Variants in RCOR3 observed in about 807,000 individuals in gnomAD.
The protein encoded by RCOR3 is REST corepressor 3.
A neutral mutation model predicts 64.1 loss-of-function variants in RCOR3; 13 were observed. The observed-to-expected ratio is 0.20, with a 90% CI of 0.13 to 0.32. RCOR3 has a LOEUF of 0.32. Ranked by LOEUF, RCOR3 falls within the 10% of genes least tolerant of loss-of-function variation. The pLI is 1.00. For missense variants in RCOR3, 489 were observed against 701.2 expected (o/e 0.70, Z 3.42); for synonymous variants, 215 against 239.0 (o/e 0.90, Z 0.93).
At chr1:211,293,542 T>A (rs543566994) in intron 8 of RCOR3, among the ~76,000 whole-genome samples, 1 of 152,322 alleles carries the variant, frequency 6.6e-6, no homozygotes, top group Admixed American at 6.5e-5. Flanking sequence ...TGGAACACTT[T>A]CCCTAATCTT....
intron 7 of RCOR3, among the ~76,000 whole-genome samples, chr1:211,280,349 A>G (rs985954689): frequency 5.3e-5 from 8 of 152,196 alleles, no homozygotes; most frequent in Admixed American, 3.3e-4. Flanking sequence ...TACTTAGAAC[A>G]TATTACAGTT....
At chr1:211,265,078 G>A (rs577960185) in intron 2 of RCOR3, among the ~76,000 whole-genome samples, 2 of 152,302 alleles carry the variant, frequency 1.3e-5, no homozygotes, top group East Asian at 1.9e-4. Context: ...TGTGTGTAAA[G>A]TAGTGGTTTT....
chr1:211,260,628 G>A (rs1332468757), intron 2 of RCOR3, among the ~76,000 whole-genome samples: 1 of 152,266 alleles, frequency 6.6e-6, no homozygotes, highest in East Asian at 1.9e-4. Context: ...GGAAGCCAAG[G>A]GCGAGCCCTG....
At chr1:211,290,950 C>T (rs182586920) in intron 8 of RCOR3, among the ~76,000 whole-genome samples, 109 of 150,738 alleles carry the variant, frequency 7.2e-4, no homozygotes, top group African/African-American at 2.6e-3. Flanking sequence ...ATATCTTTTG[C>T]ATTTTCTTGT....
chr1:211,267,159 CTCTG>C (rs939860162), intron 2 of RCOR3, among the ~76,000 whole-genome samples: 24 of 152,290 alleles, frequency 1.6e-4, no homozygotes, highest in Admixed American at 1.1e-3. Flanking sequence ...TTTTGAGCAA[CTCTG>C]TCAGGTAGGT....
rs756643084 is a variant in RCOR3 at position 211,268,369 on chromosome 1, CTTTTTTTTTTTTT to C, written c.224-2848_224-2836del. ...AGATATATCAAAGTTTCTTTTCTTT[CTTTTTTTTTTTTT>C]TTTTTTTTTTTTTTGAGATGGAGTT... On this transcript the variant is annotated intron_variant, in intron 2 of 11. Transcript: ENST00000419091. Among the ~76,000 whole-genome samples, 5 of 79,356 alleles carry C rather than the reference CTTTTTTTTTTTTT, an allele frequency of 6.3e-5. No homozygotes were observed. In the Admixed American group the frequency reaches 6.5e-4, roughly 10 times the overall value. 52.1% of individuals were successfully genotyped at this position (79,356 alleles called of 152,430 possible).
chr1:211,279,169 AAGAGTG>A, intron 6 of RCOR3, 63 bp from the exon 7 acceptor site: 1 of 1,059,950 alleles, frequency 9.4e-7, no homozygotes, highest in Non-Finnish European at 1.4e-6. Context: ...CCTGGGCAAT[AAGAGTG>A]AAACGCTGTC....
intron 8 of RCOR3, among the ~76,000 whole-genome samples, chr1:211,295,005 AT>A (rs1392145938): frequency 6.6e-6 from 1 of 151,380 alleles, no homozygotes; most frequent in Non-Finnish European, 1.5e-5. Flanking sequence ...AGCCTCCTGA[AT>A]AACTAGGACT....
At chr1:211,259,804 G>A in intron 1 of RCOR3, 78 bp downstream of exon 1, 1 of 932,488 alleles carries the variant, frequency 1.1e-6, no homozygotes, top group Non-Finnish European at 1.3e-6. Context: ...TCCCCTCGCC[G>A]CTCTCCCGCC....
In RCOR3 at chr1:211,280,706, G is replaced by C. The variant is rs147531852; in HGVS notation, c.720+1390G>C. On this transcript the variant is annotated intron_variant, in intron 7 of 11. Transcript: ENST00000419091. The stretch of plus-strand genomic sequence containing the variant: ...TCCATTTAAAAGCGTTTCTCTGGCC[G>C]GGCTCAGTGGCTCACGCCTGTAATC... Among the ~76,000 whole-genome samples the C allele has an allele frequency of 3.0e-3, 454 of 152,186 alleles. 3 individuals carry two copies. Among genetic ancestry groups the C allele is most frequent in the African/African-American group, 0.01 (426 of 41,524 alleles).
intron 7 of RCOR3, among the ~76,000 whole-genome samples, chr1:211,281,023 A>G (rs1407627602): frequency 6.7e-6 from 1 of 149,990 alleles, no homozygotes; most frequent in Non-Finnish European, 1.5e-5. Flanking sequence ...TAACCACTCT[A>G]GAAAACAAAT....
At chr1:211,262,527 A>G (rs1404290702) in intron 2 of RCOR3, among the ~76,000 whole-genome samples, 4 of 152,260 alleles carry the variant, frequency 2.6e-5, no homozygotes, top group African/African-American at 7.2e-5. Context: ...CTCAGCAGCT[A>G]CAATTATTTT....
intron 2 of RCOR3, among the ~76,000 whole-genome samples, chr1:211,270,572 TTC>T (rs1157386490): frequency 6.6e-6 from 1 of 151,372 alleles, no homozygotes; most frequent in Non-Finnish European, 1.5e-5. Context: ...ACCTGAGGCA[TTC>T]TCTCTCGTTT....
At chr1:211,264,534 T>G (rs1694875777) in intron 2 of RCOR3, among the ~76,000 whole-genome samples, 1 of 152,058 alleles carries the variant, frequency 6.6e-6, no homozygotes, top group South Asian at 2.1e-4. Flanking sequence ...ATTCAAAAAT[T>G]AGCCAAGTGT....
chr1:211,266,430 A>G (rs913801234), intron 2 of RCOR3, among the ~76,000 whole-genome samples: 3 of 152,178 alleles, frequency 2.0e-5, no homozygotes, highest in African/African-American at 7.2e-5. Flanking sequence ...GACTCCAGTT[A>G]AAAGATCTAA....
At chr1:211,289,041 T>C in intron 7 of RCOR3, 137 bp from the exon 8 acceptor site, 1 of 657,752 alleles carries the variant, frequency 1.5e-6, no homozygotes, top group East Asian at 2.7e-5. Flanking sequence ...TATGGACTTG[T>C]ACATAATATA....
At chr1:211,308,822 G>A (rs887779299) in intron 10 of RCOR3, among the ~76,000 whole-genome samples, 17 of 149,820 alleles carry the variant, frequency 1.1e-4, no homozygotes, top group Non-Finnish European at 2.1e-4. Flanking sequence ...AGTGATTCTT[G>A]TGCCTCATCC....
intron 7 of RCOR3, among the ~76,000 whole-genome samples, chr1:211,288,318 C>CT (rs2102564264): frequency 1.3e-5 from 2 of 151,260 alleles, no homozygotes; most frequent in African/African-American, 4.8e-5. Flanking sequence ...TTATATCATA[C>CT]TTTAAGAACA....
chr1:211,267,871 G>GT (rs1695467701), intron 2 of RCOR3: 1 of 387,630 alleles, frequency 2.6e-6, no homozygotes, highest in Non-Finnish European at 5.0e-6. Context: ...GGGATTATAG[G>GT]TAAGAGCCAC....
Sources: gnomAD v4.1 joint callset for allele counts (sites outside exome capture counted in the v4.1 genomes callset) on GRCh38, gnomAD v4.1.1 for gene constraint, MANE v1.5 for transcripts, NCBI Gene and HGNC (gene_info 2026-07-23, HGNC 2026-07-21) for gene names.